GTF2A1L: variants seen among roughly 807,000 people sequenced by gnomAD.
GTF2A1L encodes TFIIA-alpha and beta-like factor.
GTF2A1L carries 48 observed loss-of-function variants against 49.7 expected under a neutral mutation model. That is an observed-to-expected ratio of 0.97 (90% confidence interval 0.77 to 1.23). The LOEUF (loss-of-function observed/expected upper bound fraction) is 1.23, where lower values mean the gene tolerates loss of function less well. Among genes scored for constraint, GTF2A1L ranks in the 50% most tolerant of loss-of-function variants. GTF2A1L has a pLI of 0.00. For synonymous variants in GTF2A1L, 246 were observed against 193.5 expected, an observed-to-expected ratio of 1.27 and a Z score of -2.25; for missense variants, 736 against 564.8, an observed-to-expected ratio of 1.30 and a Z score of -3.07.
At chr2:48,618,160 G>A (rs1441821010) in intron 1 of GTF2A1L, 1 of 470,118 alleles carries the variant, frequency 2.1e-6, no homozygotes, top group Non-Finnish European at 3.8e-6. Context: ...ATCTAGTTGG[G>A]GTGTTTAGAG....
At chr2:48,667,339 A>G (rs1678910268) in intron 6 of GTF2A1L, among the ~76,000 whole-genome samples, 1 of 152,162 alleles carries the variant, frequency 6.6e-6, no homozygotes, top group Non-Finnish European at 1.5e-5. Context: ...GGGAATGGAC[A>G]TTACTCTTCT....
intron 1 of GTF2A1L, among the ~76,000 whole-genome samples, chr2:48,620,611 C>T (rs1466708718): frequency 1.3e-5 from 2 of 152,064 alleles, no homozygotes; most frequent in East Asian, 1.9e-4. Context: ...AACCCTGTCT[C>T]TCTAAAAATA....
At chr2:48,619,285 A>G (rs1675840594) in intron 1 of GTF2A1L, among the ~76,000 whole-genome samples, 1 of 152,044 alleles carries the variant, frequency 6.6e-6, no homozygotes, top group South Asian at 2.1e-4. Flanking sequence ...CCTGGCCAAC[A>G]TGGTGAAACC....
At chr2:48,662,551 A>G (rs558238107) in intron 6 of GTF2A1L, among the ~76,000 whole-genome samples, 2 of 152,246 alleles carry the variant, frequency 1.3e-5, no homozygotes, top group South Asian at 2.1e-4. Flanking sequence ...GGCAATAGGA[A>G]CTACTCTAGC....
rs1001450742 is a variant in GTF2A1L, at chr2:48,625,098, C to T, written c.247+3808C>T. Among the ~76,000 whole-genome samples the T allele has an allele frequency of 1.9e-4, 27 of 144,006 alleles. 2 individuals are homozygous for T. Among genetic ancestry groups the T allele is most frequent in the African/African-American group, 4.2e-4 (17 of 40,492 alleles). The allele number at this position is 144,006 out of a possible 152,430, so 94.5% of individuals were successfully genotyped here. On this transcript the variant is annotated intron_variant, in intron 3 of 8. Coordinates refer to ENST00000403751, the MANE Select transcript of GTF2A1L (RefSeq NM_006872.5). ...ATCCATAAGAAGGATTGCTGAATCA[C>T]GTGGTAATTCTATTTTTAATTTATT... is the stretch of plus-strand genomic sequence containing the variant.
In GTF2A1L at chr2:48,631,305, C is replaced by T. The variant is rs1265598527; in HGVS notation, c.247+10015C>T. 9.2e-5 allele frequency among the ~76,000 whole-genome samples: 14 copies of T among 152,050 alleles called. No homozygotes were observed. In the East Asian group the frequency reaches 1.2e-3, roughly 13 times the overall value. On this transcript the variant is annotated intron_variant, in intron 3 of 8. Transcript: ENST00000403751. ...TTATTACTAATTCAATTTTGGAACT[C>T]GATATTGGTCTGTTCAGAGTTTTAA...
intron 6 of GTF2A1L, among the ~76,000 whole-genome samples, chr2:48,668,847 AAT>A (rs1679013408): frequency 2.6e-5 from 4 of 152,096 alleles, no homozygotes; most frequent in African/African-American, 9.6e-5. Context: ...AAAATAAATA[AAT>A]AAATAAATAA....
rs2104202664 is a variant in GTF2A1L at position 48,646,927 on chromosome 2, A to G, written c.863A>G (p.His288Arg). ...SLSTSPHGAL[H>R]QHVTDIQLHI... Reference sequence around the variant, plus strand: ...TCCACAAGCCCTCATGGGGCTCTCCACCAGCACGTGACTGATATTCAGCTT... The same window carrying G: ...TCCACAAGCCCTCATGGGGCTCTCCGCCAGCACGTGACTGATATTCAGCTT... The change falls in exon 6 of 9, where the codon CAC becomes CGC. Residue 288 changes from histidine (H) to arginine (R), a missense_variant. His to Arg is a conservative substitution (Grantham distance 29, BLOSUM62 0). Coordinates refer to ENST00000403751, the MANE Select transcript of GTF2A1L (RefSeq NM_006872.5). 6.2e-7 allele frequency: 1 copy of G among 1,614,144 alleles called. No individual in the cohort carries two copies.
At chr2:48,677,948 A>G (rs1242398877) in intron 8 of GTF2A1L, among the ~76,000 whole-genome samples, 3 of 150,916 alleles carry the variant, frequency 2.0e-5, no homozygotes, top group Non-Finnish European at 3.0e-5. Flanking sequence ...GGAAGACAGT[A>G]TAAGTGTCAT....
intron 1 of GTF2A1L, 112 bp from the exon 2 acceptor site, chr2:48,620,739 C>CG: frequency 1.6e-6 from 1 of 618,734 alleles, no homozygotes; most frequent in Non-Finnish European, 2.1e-6. Flanking sequence ...TTCGTGCCAC[C>CG]GCACTCCAGC....
intron 3 of GTF2A1L, among the ~76,000 whole-genome samples, chr2:48,634,511 G>T (rs1175489301): frequency 1.3e-5 from 2 of 152,172 alleles, no homozygotes; most frequent in Non-Finnish European, 2.9e-5. Flanking sequence ...AGGCCTAAGT[G>T]TGTTTTCATG....
chr2:48,641,368 G>A (rs1022498279), intron 3 of GTF2A1L, among the ~76,000 whole-genome samples: 4 of 152,116 alleles, frequency 2.6e-5, no homozygotes, highest in African/African-American at 9.7e-5. Context: ...TCTTAACGTG[G>A]AAGGAATGGT....
rs998461118 is a variant in GTF2A1L, at chr2:48,630,483, A to G, written c.247+9193A>G. 3.5e-5 allele frequency among the ~76,000 whole-genome samples: 5 copies of G among 144,420 alleles called. 2 individuals carry two copies. The highest frequency in any genetic ancestry group is 6.5e-3 in the Middle Eastern group (2 of 308). 94.7% of individuals were successfully genotyped at this position (144,420 alleles called of 152,430 possible). ...CATTGGTTTTGTATCCTGAAACTTAACTGAAGACATGTATTAGTTCTAAGA... is the reference window on the plus strand; with the variant it reads ...CATTGGTTTTGTATCCTGAAACTTAGCTGAAGACATGTATTAGTTCTAAGA... On this transcript the variant is annotated intron_variant, in intron 3 of 8. Transcript: ENST00000403751.
At chr2:48,665,158 G>T (rs1186875114) in intron 6 of GTF2A1L, among the ~76,000 whole-genome samples, 1 of 152,106 alleles carries the variant, frequency 6.6e-6, no homozygotes, top group Non-Finnish European at 1.5e-5. Flanking sequence ...TTGGCCTCAA[G>T]TGATCCGCCT....
At chr2:48,631,263 T>A (rs539083390) in intron 3 of GTF2A1L, among the ~76,000 whole-genome samples, 1 of 152,156 alleles carries the variant, frequency 6.6e-6, no homozygotes, top group African/African-American at 2.4e-5. Flanking sequence ...TGGGGCTTTT[T>A]TTGGGTGGTA....
intron 3 of GTF2A1L, among the ~76,000 whole-genome samples, chr2:48,639,794 G>A (rs1451099089): frequency 3.9e-5 from 6 of 152,214 alleles, no homozygotes; most frequent in African/African-American, 7.2e-5. Flanking sequence ...TGCAAACTAT[G>A]TATCTGACAA....
At chr2:48,674,537 A>G (rs1679360742) in intron 8 of GTF2A1L, among the ~76,000 whole-genome samples, 1 of 152,218 alleles carries the variant, frequency 6.6e-6, no homozygotes, top group African/African-American at 2.4e-5. Context: ...GAATACAAAT[A>G]TAAACATAAG....
chr2:48,638,213 C>T (rs576863831), intron 3 of GTF2A1L, among the ~76,000 whole-genome samples: 1 of 152,272 alleles, frequency 6.6e-6, no homozygotes, highest in Admixed American at 6.5e-5. Flanking sequence ...GGAAGGACTC[C>T]TCCCCAGCTA....
chr2:48,624,021 G>A (rs572667501), intron 3 of GTF2A1L, among the ~76,000 whole-genome samples: 6 of 152,258 alleles, frequency 3.9e-5, no homozygotes, highest in African/African-American at 7.2e-5. Context: ...ATATACCCAC[G>A]TAGCAAACCT....
Sources: allele counts gnomAD v4.1 joint callset (sites outside exome capture counted in the v4.1 genomes callset), GRCh38; gene constraint gnomAD v4.1.1; transcripts MANE v1.5; gene names NCBI Gene and HGNC (gene_info 2026-07-23, HGNC 2026-07-21).